The following CHLSN variants were observed in gnomAD, a reference collection of about 807,000 sequenced individuals.
CHLSN encodes cholesin.
At chr7:1,074,442 G>C in the CHLSN span, 4 of 151,070 alleles carry the variant, frequency 2.6e-5, no homozygotes, top group Non-Finnish European at 4.4e-5. Context: ...TCTACAAAAG[G>C]ACAATCACAA....
the CHLSN span, chr7:1,009,900 G>A: frequency 4.9e-6 from 7 of 1,441,612 alleles, no homozygotes; most frequent in African/African-American, 2.8e-5. Flanking sequence ...CCTCAGGCAG[G>A]GGTTGAGACG....
At chr7:1,065,951 G>C in the CHLSN span, among the ~76,000 whole-genome samples, 4 of 152,208 alleles carry the variant, frequency 2.6e-5, no homozygotes, top group African/African-American at 9.7e-5. Context: ...AGTGGCCGTC[G>C]GGGTGCCGTC....
At chr7:1,058,645 G>C in the CHLSN span, 2 of 613,194 alleles carry the variant, frequency 3.3e-6, no homozygotes, top group Admixed American at 3.0e-5. Context: ...TGTTTTTCTT[G>C]AAGTTTCCTT....
the CHLSN span, chr7:1,022,808 C>T: frequency 3.3e-6 from 1 of 304,720 alleles, no homozygotes; most frequent in Non-Finnish European, 6.7e-6. Flanking sequence ...ACATCCCATG[C>T]TCTCCCCCTT....
chr7:1,022,718 A>T, the CHLSN span, among the ~76,000 whole-genome samples: 5 of 152,158 alleles, frequency 3.3e-5, no homozygotes, highest in Admixed American at 3.3e-4. Flanking sequence ...CAAAATAAAC[A>T]AGCTCTCAAA....
chr7:1,070,501 G>A, the CHLSN span, among the ~76,000 whole-genome samples: 62 of 148,574 alleles, frequency 4.2e-4, no homozygotes, highest in African/African-American at 1.4e-3. Flanking sequence ...ACGAATGCAC[G>A]CGCACACATG....
chr7:1,072,039 A>C, the CHLSN span, among the ~76,000 whole-genome samples: 1 of 152,130 alleles, frequency 6.6e-6, no homozygotes, highest in Non-Finnish European at 1.5e-5. Context: ...AAGAGCGGGG[A>C]GGGGCCCAGC....
At chr7:1,059,818 T>C in the CHLSN span, among the ~76,000 whole-genome samples, 45 of 27,506 alleles carry the variant, frequency 1.6e-3, no homozygotes, top group African/African-American at 3.5e-3. Flanking sequence ...GGGGCGGGTC[T>C]GTAGTGGGGC....
At chr7:1,070,389 G>A in the CHLSN span, among the ~76,000 whole-genome samples, 7 of 123,324 alleles carry the variant, frequency 5.7e-5, no homozygotes, top group Non-Finnish European at 7.7e-5. Flanking sequence ...CAGCCGCCCC[G>A]TCCGGGAGGT....
At chr7:1,037,997 A>C in the CHLSN span, among the ~76,000 whole-genome samples, 3 of 66,632 alleles carry the variant, frequency 4.5e-5, no homozygotes, top group Admixed American at 1.5e-4. Flanking sequence ...AAGTGAGGAG[A>C]CCCTCTGCCT....
chr7:1,124,170 C>T, the CHLSN span, among the ~76,000 whole-genome samples: 1 of 152,160 alleles, frequency 6.6e-6, no homozygotes, highest in East Asian at 1.9e-4. Context: ...GAAAAATAAT[C>T]ACATACTTTA....
the CHLSN span, among the ~76,000 whole-genome samples, chr7:1,136,157 T>C: frequency 1.1e-5 from 1 of 94,140 alleles, no homozygotes; most frequent in African/African-American, 4.4e-5. Flanking sequence ...TAAATATATA[T>C]ACATAAATAT....
chr7:983,822 G>A, the CHLSN span, among the ~76,000 whole-genome samples: 161 of 152,314 alleles, frequency 1.1e-3, no homozygotes, highest in African/African-American at 3.6e-3. Context: ...GAAATGGGAA[G>A]AGGACCTGTG....
chr7:1,065,092 G>C, the CHLSN span, among the ~76,000 whole-genome samples: 1 of 152,216 alleles, frequency 6.6e-6, no homozygotes, highest in East Asian at 1.9e-4. Context: ...GCCCTGGGCA[G>C]GAGGAAACAT....
the CHLSN span, among the ~76,000 whole-genome samples, chr7:1,089,982 G>A: frequency 6.6e-6 from 1 of 151,732 alleles, no homozygotes; most frequent in Admixed American, 6.6e-5. Flanking sequence ...TACTCAGGAG[G>A]CTGAGGCAGG....
the CHLSN span, among the ~76,000 whole-genome samples, chr7:1,081,424 G>A: frequency 5.3e-5 from 8 of 152,250 alleles, no homozygotes; most frequent in Admixed American, 3.9e-4. Context: ...GCCCGAGCCC[G>A]GGCAGAAGAA....
At chr7:1,067,844 CT>C in the CHLSN span, among the ~76,000 whole-genome samples, 1 of 122,968 alleles carries the variant, frequency 8.1e-6, no homozygotes, top group Non-Finnish European at 1.7e-5. Flanking sequence ...TTCACACAGG[CT>C]GGAGTGCACC....
the CHLSN span, among the ~76,000 whole-genome samples, chr7:1,070,830 T>C: frequency 1.9e-4 from 24 of 129,722 alleles, no homozygotes; most frequent in South Asian, 1.7e-3. Context: ...CGTGCACACA[T>C]ATACACACAA....
At chr7:1,020,718 T>C in the CHLSN span, among the ~76,000 whole-genome samples, 26 of 152,264 alleles carry the variant, frequency 1.7e-4, no homozygotes, top group East Asian at 5.0e-3. Context: ...TCACCTCTGA[T>C]CTCAGGGGCA....
Sources: allele counts gnomAD v4.1 joint callset (sites outside exome capture counted in the v4.1 genomes callset), GRCh38; gene constraint gnomAD v4.1.1; transcripts MANE v1.5; gene names NCBI Gene and HGNC (gene_info 2026-07-23, HGNC 2026-07-21).